GSDMC: variants seen among roughly 807,000 people sequenced by gnomAD.
GSDMC encodes gasdermin-C.
GSDMC carries 59 observed loss-of-function variants against 58.0 expected under a neutral mutation model. The observed-to-expected ratio is 1.02, with a 90% CI of 0.82 to 1.26. The LOEUF (loss-of-function observed/expected upper bound fraction) is 1.26. Among genes scored for constraint, GSDMC ranks in the 50% most tolerant of loss-of-function variants. GSDMC has a pLI of 0.00. For missense variants in GSDMC, 659 were observed against 598.5 expected (o/e 1.10, Z -1.06); for synonymous variants, 241 against 220.2 (o/e 1.09, Z -0.83).
Position 129,765,881 on chromosome 8 carries a change from G to A in GSDMC, c.405-88C>T, listed in dbSNP as rs377399164. 8.4e-5 allele frequency: 91 copies of A among 1,079,230 alleles called. No individual in the cohort carries two copies. The African/African-American group carries it at 1.3e-3, about 15-fold the overall frequency. The allele number at this position is 1,079,230 out of a possible 1,614,324, so 66.9% of individuals were successfully genotyped here. On this transcript the variant is annotated intron_variant, in intron 3 of 13. Coordinates refer to ENST00000276708, the MANE Select transcript of GSDMC (RefSeq NM_031415.3). ...CTGGGTGCCCTTCTCCCCAAGACCT[G>A]GGAGGGGTGCAATGGCTTTGGACCC...
At chr8:129,743,352 T>G (rs1033835933), downstream of GSDMC, among the ~76,000 whole-genome samples, 10 of 152,176 alleles carry the variant, frequency 6.6e-5, no homozygotes, top group Admixed American at 3.3e-4. Flanking sequence ...GCATTACCTA[T>G]TCTACTAACA....
At chr8:129,758,727 A>G (rs1012737637) in intron 6 of GSDMC, among the ~76,000 whole-genome samples, 6 of 152,208 alleles carry the variant, frequency 3.9e-5, no homozygotes, top group Non-Finnish European at 8.8e-5. Flanking sequence ...ACACCAAAAA[A>G]GTGAAAAGAT....
At chr8:129,771,802 C>A (rs1586608547) in intron 3 of GSDMC, among the ~76,000 whole-genome samples, 1 of 152,090 alleles carries the variant, frequency 6.6e-6, no homozygotes, top group Admixed American at 6.5e-5. Flanking sequence ...AAGAAGAAAT[C>A]AAAAGGGAAT....
chr8:129,744,408 A>T (rs1221280545), downstream of GSDMC, among the ~76,000 whole-genome samples: 1 of 152,196 alleles, frequency 6.6e-6, no homozygotes, highest in African/African-American at 2.4e-5. Context: ...CTAGAGATGG[A>T]GGTTAGGTAA....
chr8:129,750,369 T>A (rs920727971), intron 11 of GSDMC, 62 bp downstream of exon 11: 1 of 1,497,682 alleles, frequency 6.7e-7, no homozygotes, highest in Non-Finnish European at 9.1e-7. Flanking sequence ...TTGGGAGTCA[T>A]ATCTCCTAAC....
chr8:129,749,995 A>T lies in GSDMC; in HGVS notation c.1208T>A (p.Ile403Lys). ...TTCCCTTTAATTACTCTTACCCATT[A>T]TGGCTTCAAGGAGATAAAGAATGGG... ...KDPILYLLEA[I>K]MVLSDFQHDL... The change falls in exon 12 of 14, where the codon ATA becomes AAA. Residue 403 changes from isoleucine (I) to lysine (K), a missense_variant. Physicochemically the swap from Ile to Lys is moderately radical, Grantham distance 102 (BLOSUM62 -3). Transcript: ENST00000276708. 2 of 1,593,226 alleles carry T rather than the reference A, an allele frequency of 1.3e-6. No individual in the cohort carries two copies. Among genetic ancestry groups the T allele is most frequent in the Non-Finnish European group, 1.7e-6 (2 of 1,174,060 alleles).
At position 129,777,291 on chromosome 8, in the gene GSDMC, CT is replaced by C. The variant is rs952366722; in HGVS notation, c.220+76del. ...AGCTCCTTTCTGTGTGCTCAGTTAT[CT>C]TTGGATGGTGGGCCATCTTTTTCTG... On this transcript the variant is annotated intron_variant, in intron 2 of 13. Transcript: ENST00000276708. 3.8e-5 allele frequency: 33 copies of C among 878,508 alleles called. No homozygotes were observed. In the African/African-American group the frequency reaches 5.2e-4, roughly 14 times the overall value. The allele number at this position is 878,508 out of a possible 1,614,324, so 54.4% of individuals were successfully genotyped here.
chr8:129,779,273 G>T (rs1033214878), intron 1 of GSDMC, among the ~76,000 whole-genome samples: 1 of 152,156 alleles, frequency 6.6e-6, no homozygotes, highest in East Asian at 1.9e-4. Flanking sequence ...GGAATACTAT[G>T]TAGCCAAAAA....
At chr8:129,727,364 T>C in the GSDMC span, among the ~76,000 whole-genome samples, 7 of 152,230 alleles carry the variant, frequency 4.6e-5, no homozygotes, top group Admixed American at 3.9e-4. Flanking sequence ...AAAATGGGAA[T>C]CCACCAGAAT....
intron 1 of GSDMC, among the ~76,000 whole-genome samples, chr8:129,781,195 AAT>A (rs2034396897): frequency 6.6e-6 from 1 of 152,198 alleles, no homozygotes; most frequent in Non-Finnish European, 1.5e-5. Flanking sequence ...AATAACATTA[AAT>A]GTAAATGAAC....
chr8:129,725,013 G>T, the GSDMC span, among the ~76,000 whole-genome samples: 1 of 152,154 alleles, frequency 6.6e-6, no homozygotes, highest in Non-Finnish European at 1.5e-5. Context: ...AGAATACAAG[G>T]CCAGTTGAAC....
the GSDMC span, among the ~76,000 whole-genome samples, chr8:129,710,447 A>G: frequency 6.6e-6 from 1 of 152,212 alleles, no homozygotes; most frequent in African/African-American, 2.4e-5. Context: ...CGTCACCATC[A>G]GCCTGCTAAT....
chr8:129,772,601 T>G (rs2034098662), intron 3 of GSDMC, among the ~76,000 whole-genome samples: 1 of 152,178 alleles, frequency 6.6e-6, no homozygotes, highest in African/African-American at 2.4e-5. Flanking sequence ...AAACATATCA[T>G]TCACAAGTAA....
the GSDMC span, among the ~76,000 whole-genome samples, chr8:129,736,509 A>C: frequency 6.6e-6 from 1 of 152,228 alleles, no homozygotes; most frequent in Non-Finnish European, 1.5e-5. Context: ...AACGTAATCC[A>C]TCACATAAAC....
At chr8:129,707,217 TA>T in the GSDMC span, 3 of 149,820 alleles carry the variant, frequency 2.0e-5, no homozygotes, top group Non-Finnish European at 3.0e-5. Context: ...CCCAGATAAG[TA>T]ATGTGGCTGG....
intron 3 of GSDMC, among the ~76,000 whole-genome samples, chr8:129,773,424 G>A (rs1563809434): frequency 2.0e-5 from 3 of 152,168 alleles, no homozygotes; most frequent in African/African-American, 2.4e-5. Flanking sequence ...CAGTCAAGTT[G>A]CTGGATACAA....
Position 129,750,556 on chromosome 8 carries a change from G to A in GSDMC, c.958C>T (p.Gln320Ter), listed in dbSNP as rs756788046. The change falls in exon 11 of 14, where the codon CAA (glutamine) becomes TAA (stop). Residue 320 changes from glutamine to a stop codon, truncating the protein, a stop_gained. Transcript: ENST00000276708. LOFTEE classifies it high-confidence loss of function. Reference protein sequence around the residue: ...EPFWQNFKHLQEEVFQKIKTL... With the variant: ...EPFWQNFKHL ...TTTATTTTCTGGAAAACCTCCTCTTGTAGATGCTTGAAATCTGCTCTCAGG... is the reference window on the plus strand; with the variant it reads ...TTTATTTTCTGGAAAACCTCCTCTTATAGATGCTTGAAATCTGCTCTCAGG... 6.2e-7 allele frequency: 1 copy of A among 1,613,910 alleles called. No individual in the cohort carries two copies. Among genetic ancestry groups the A allele is most frequent in the Non-Finnish European group, 8.5e-7 (1 of 1,179,874 alleles).
rs951912576 is a variant in GSDMC at position 129,753,593 on chromosome 8, CCTT to C, written c.722-776_722-774del. Among the ~76,000 whole-genome samples, 220 of 152,166 alleles carry C rather than the reference CCTT, an allele frequency of 1.4e-3. 4 individuals are homozygous for C. Among genetic ancestry groups the C allele is most frequent in the Non-Finnish European group, 7.1e-4 (48 of 68,028 alleles). ...GCTGCGGTGGCTATGGTGAAAGACT[CCTT>C]CTGTTTGAGAAAAGCAGAGGGAAAA... On this transcript the variant is annotated intron_variant, in intron 6 of 13. Coordinates refer to ENST00000276708, the MANE Select transcript of GSDMC (RefSeq NM_031415.3).
the GSDMC span, among the ~76,000 whole-genome samples, chr8:129,715,615 T>C: frequency 1.3e-5 from 2 of 152,028 alleles, no homozygotes; most frequent in East Asian, 3.9e-4. Context: ...AAAGAAAAAC[T>C]TTTACAGATA....
Sources: gnomAD v4.1 joint callset for allele counts (sites outside exome capture counted in the v4.1 genomes callset) on GRCh38, gnomAD v4.1.1 for gene constraint, MANE v1.5 for transcripts, NCBI Gene and HGNC (gene_info 2026-07-23, HGNC 2026-07-21) for gene names.